The following ZNF280D variants were observed in gnomAD, a reference collection of about 807,000 sequenced individuals.
ZNF280D encodes the protein zinc finger protein 280D, also known as suppressor of hairy wing homolog 4.
ZNF280D carries 39 observed loss-of-function variants against 94.7 expected under a neutral mutation model. The ratio of observed to expected loss-of-function variants is 0.41; its 90% CI spans 0.32 to 0.54. The LOEUF (loss-of-function observed/expected upper bound fraction) is 0.54. ZNF280D is among the 20% of genes least tolerant of loss of function. The pLI is 0.22. For synonymous variants in ZNF280D, 398 were observed against 377.6 expected (o/e 1.05, Z -0.63); for missense variants, 1,090 against 1,149.3 (o/e 0.95, Z 0.75).
At chr15:56,634,732 C>G (rs2052266102) in intron 21 of ZNF280D, among the ~76,000 whole-genome samples, 1 of 152,016 alleles carries the variant, frequency 6.6e-6, no homozygotes, top group South Asian at 2.1e-4. Flanking sequence ...AACATTCTAC[C>G]AAAGTATGAA....
At chr15:56,664,691 C>G (rs1166930228) in intron 16 of ZNF280D, among the ~76,000 whole-genome samples, 2 of 151,990 alleles carry the variant, frequency 1.3e-5, no homozygotes, top group African/African-American at 4.8e-5. Context: ...ATAAAGAGAT[C>G]TTTTTTAAAA....
At chr15:56,716,835 A>C (rs530489700) in intron 1 of ZNF280D, among the ~76,000 whole-genome samples, 2 of 152,334 alleles carry the variant, frequency 1.3e-5, no homozygotes, top group African/African-American at 2.4e-5. Context: ...CTTATGCAAA[A>C]GGATATTTAT....
intron 9 of ZNF280D, chr15:56,688,661 T>C (rs2056220259): frequency 6.5e-6 from 1 of 154,044 alleles, no homozygotes; most frequent in East Asian, 1.9e-4. Flanking sequence ...ATGTGACATG[T>C]ACATGTTAAC....
intron 19 of ZNF280D, among the ~76,000 whole-genome samples, chr15:56,644,413 T>A (rs1393947621): frequency 6.6e-6 from 1 of 152,012 alleles, no homozygotes. Context: ...TAAGAAAACA[T>A]GAAACATTAG....
intron 17 of ZNF280D, among the ~76,000 whole-genome samples, chr15:56,657,814 C>G (rs1177629457): frequency 2.0e-5 from 3 of 152,072 alleles, no homozygotes; most frequent in Non-Finnish European, 4.4e-5. Context: ...CAGTCTGGTG[C>G]TTCCTCAAAC....
At chr15:56,635,107 C>G in intron 21 of ZNF280D, 88 bp downstream of exon 21, 1 of 741,016 alleles carries the variant, frequency 1.3e-6, no homozygotes, top group Non-Finnish European at 2.1e-6. Context: ...TTTAAATAGT[C>G]CTTTGCCAGT....
chr15:56,691,065 T>C (rs576182337), intron 7 of ZNF280D, among the ~76,000 whole-genome samples: 2 of 152,154 alleles, frequency 1.3e-5, no homozygotes, highest in African/African-American at 2.4e-5. Flanking sequence ...ATAATGTACT[T>C]AAGGCACCCA....
rs2052103072 is a variant in ZNF280D, at chr15:56,632,082, A to C, written c.2356T>G (p.Cys786Gly). 6.3e-7 allele frequency: 1 copy of C among 1,593,516 alleles called. No individual in the cohort carries two copies. Among genetic ancestry groups the C allele is most frequent in the Non-Finnish European group, 8.5e-7 (1 of 1,171,222 alleles). Residue 786 changes from cysteine to glycine, a missense_variant, in exon 22 of 22, where the codon TGT becomes GGT. Cys to Gly is a radical substitution (Grantham distance 159). This residue lies in a region of ZNF280D where 577 missense variants were observed against 568.8 expected (regional missense o/e 1.01). Coordinates refer to ENST00000267807, the MANE Select transcript of ZNF280D (RefSeq NM_017661.4). Reference sequence around the variant, plus strand: ...GAGCCTTCAAATGAATTTGCATTACATCCATTTTTTTCTTTTGAAGAAGCA... The same window carrying C: ...GAGCCTTCAAATGAATTTGCATTACCTCCATTTTTTTCTTTTGAAGAAGCA... ...KAASSKEKNG[C>G]NANSFEGSST...
At chr15:56,667,160 T>A (rs2054348581) in intron 14 of ZNF280D, among the ~76,000 whole-genome samples, 174 bp from the exon 15 acceptor site, 3 of 152,214 alleles carry the variant, frequency 2.0e-5, no homozygotes, top group South Asian at 4.1e-4. Flanking sequence ...GATATTAAAC[T>A]TGATATTAAG....
At chr15:56,659,883 T>G (rs2053814764) in intron 16 of ZNF280D, among the ~76,000 whole-genome samples, 1 of 150,618 alleles carries the variant, frequency 6.6e-6, no homozygotes, top group Non-Finnish European at 1.5e-5. Context: ...CAGCACCACA[T>G]GTATGTATAG....
In ZNF280D at chr15:56,678,798, T is replaced by C; in HGVS notation, c.1028A>G (p.His343Arg). The change falls in exon 11 of 22, where the codon CAT becomes CGT. Residue 343 changes from histidine to arginine, a missense_variant. His to Arg is a conservative substitution (Grantham distance 29). Transcript: ENST00000267807. ...ACTGCTCTGCTTCTCAAGTTCCAAA[T>C]GGTGTTTCATGTGGTTCATAAACCT... is the stretch of plus-strand genomic sequence containing the variant. ...NIRFMNHMKHHLELEKQSSES... is the reference protein window; with the variant it reads ...NIRFMNHMKHRLELEKQSSES... 1 of 1,609,572 alleles carries C rather than the reference T, an allele frequency of 6.2e-7. No homozygotes were observed.
intron 1 of ZNF280D, among the ~76,000 whole-genome samples, chr15:56,720,085 T>C (rs1197424299): frequency 6.6e-6 from 1 of 152,122 alleles, no homozygotes; most frequent in African/African-American, 2.4e-5. Flanking sequence ...CTTTTCCTTT[T>C]ACAAAAGGTT....
At chr15:56,660,920 CGAT>C (rs1239778534) in intron 16 of ZNF280D, among the ~76,000 whole-genome samples, 2 of 149,820 alleles carry the variant, frequency 1.3e-5, no homozygotes, top group Non-Finnish European at 3.0e-5. Flanking sequence ...GACTAGAGGC[CGAT>C]GATACAACAA....
chr15:56,631,221 C>T lies in ZNF280D; in HGVS notation c.*277G>A. On this transcript the variant is annotated 3_prime_UTR_variant, in exon 22 of 22. Transcript: ENST00000267807. ...CATGTCAGCAACCAAATCCCATTTC[C>T]TTGAAAACCATTAAATGAGACCTTT... 3.2e-6 allele frequency: 1 copy of T among 312,938 alleles called. No individual in the cohort carries two copies. The highest frequency in any genetic ancestry group is 5.9e-6 in the Non-Finnish European group (1 of 169,522). 19.4% of individuals were successfully genotyped at this position (312,938 alleles called of 1,614,324 possible).
intron 6 of ZNF280D, among the ~76,000 whole-genome samples, chr15:56,693,684 T>A (rs151033817): frequency 1.5e-4 from 23 of 152,102 alleles, no homozygotes; most frequent in Non-Finnish European, 2.8e-4. Flanking sequence ...CATATTTACA[T>A]GACCAAAAAA....
intron 9 of ZNF280D, 128 bp downstream of exon 9, chr15:56,688,912 TA>T: frequency 1.8e-6 from 1 of 557,130 alleles, no homozygotes. Context: ...ATTATGAATG[TA>T]AATTTTTATT....
At chr15:56,716,544 G>C (rs966708854) in intron 1 of ZNF280D, among the ~76,000 whole-genome samples, 1 of 149,648 alleles carries the variant, frequency 6.7e-6, no homozygotes, top group Non-Finnish European at 1.5e-5. Flanking sequence ...CATGGGAAGA[G>C]ATAAGACATA....
chr15:56,644,300 T>C (rs1178367838), intron 19 of ZNF280D, among the ~76,000 whole-genome samples: 1 of 152,058 alleles, frequency 6.6e-6, no homozygotes, highest in Non-Finnish European at 1.5e-5. Context: ...TTGTGCACAA[T>C]ACTTATAAAG....
chr15:56,695,194 T>C (rs547445804), intron 6 of ZNF280D, among the ~76,000 whole-genome samples: 2 of 152,188 alleles, frequency 1.3e-5, no homozygotes, highest in South Asian at 4.1e-4. Context: ...TGTCTCAGCC[T>C]CCTGAGTAGC....
Sources: gnomAD v4.1 joint callset for allele counts (sites outside exome capture counted in the v4.1 genomes callset) on GRCh38, gnomAD v4.1.1 for gene constraint, gnomAD v4.1.1 regional missense constraint, MANE v1.5 for transcripts, NCBI Gene and HGNC (gene_info 2026-07-23, HGNC 2026-07-21) for gene names.